AKT3: variants seen among roughly 807,000 people sequenced by gnomAD.
AKT3 encodes AKT serine/threonine kinase 3.
A neutral mutation model predicts 65.3 loss-of-function variants in AKT3; 15 were observed. That is an observed-to-expected ratio of 0.23 (90% CI 0.15 to 0.35). The LOEUF is 0.35. Ranked by LOEUF, AKT3 falls within the 10% of genes least tolerant of loss-of-function variation. AKT3 has a pLI of 1.00. For missense variants in AKT3, 243 were observed against 576.5 expected (o/e 0.42, Z 5.92); for synonymous variants, 206 against 183.8 (o/e 1.12, Z -0.98).
intron 2 of AKT3, among the ~76,000 whole-genome samples, chr1:243,833,611 T>C (rs916522670): frequency 6.6e-6 from 1 of 152,024 alleles, no homozygotes; most frequent in East Asian, 1.9e-4. Flanking sequence ...CAATGGCACA[T>C]GACTATATAA....
chr1:243,556,117 G>A (rs185961717), intron 10 of AKT3, among the ~76,000 whole-genome samples: 4 of 152,178 alleles, frequency 2.6e-5, no homozygotes, highest in African/African-American at 7.2e-5. Context: ...TTTCTAATAG[G>A]AGCCAGAAAC....
chr1:243,657,002 A>C (rs1681852558), intron 4 of AKT3, among the ~76,000 whole-genome samples: 1 of 152,226 alleles, frequency 6.6e-6, no homozygotes, highest in Admixed American at 6.5e-5. Flanking sequence ...ATAATACATA[A>C]AACTATCAGA....
At chr1:243,742,669 T>A (rs1688233922) in intron 2 of AKT3, among the ~76,000 whole-genome samples, 1 of 152,196 alleles carries the variant, frequency 6.6e-6, no homozygotes, top group Admixed American at 6.5e-5. Context: ...TAAACATTTC[T>A]TTTTGTGAAA....
intron 5 of AKT3, among the ~76,000 whole-genome samples, chr1:243,638,301 T>TTA (rs1182376974): frequency 6.6e-6 from 1 of 152,162 alleles, no homozygotes. Context: ...AGAGAGTACT[T>TTA]TATGCAATTC....
At chr1:243,806,919 T>C (rs1437080003) in intron 2 of AKT3, among the ~76,000 whole-genome samples, 1 of 152,090 alleles carries the variant, frequency 6.6e-6, no homozygotes, top group African/African-American at 2.4e-5. Flanking sequence ...CAAATATGGA[T>C]TACATATGGC....
At chr1:243,498,528 C>A (rs546600764), downstream of AKT3, among the ~76,000 whole-genome samples, 1 of 152,206 alleles carries the variant, frequency 6.6e-6, no homozygotes, top group African/African-American at 2.4e-5. Flanking sequence ...CTCTAACTAC[C>A]CTGCTGAGAC....
At chr1:243,564,186 A>G (rs1192552158) in intron 9 of AKT3, among the ~76,000 whole-genome samples, 1 of 152,186 alleles carries the variant, frequency 6.6e-6, no homozygotes, top group Non-Finnish European at 1.5e-5. Flanking sequence ...AATGTGATCT[A>G]AACAATCCCA....
intron 8 of AKT3, among the ~76,000 whole-genome samples, chr1:243,590,289 C>T (rs1676132655): frequency 6.6e-6 from 1 of 152,138 alleles, no homozygotes; most frequent in South Asian, 2.1e-4. Flanking sequence ...GACGTATTCA[C>T]TAATTCAATT....
chr1:243,831,503 A>C (rs1694505035), intron 2 of AKT3, among the ~76,000 whole-genome samples: 1 of 152,230 alleles, frequency 6.6e-6, no homozygotes, highest in South Asian at 2.1e-4. Context: ...ATAACCAAAA[A>C]CACAGAAAAT....
intron 2 of AKT3, among the ~76,000 whole-genome samples, chr1:243,828,588 C>G (rs986046953): frequency 2.0e-5 from 3 of 152,120 alleles, no homozygotes; most frequent in Non-Finnish European, 4.4e-5. Context: ...GGATGAAGAC[C>G]TTTATGATGA....
intron 2 of AKT3, among the ~76,000 whole-genome samples, chr1:243,713,046 T>C (rs1686258739): frequency 6.6e-6 from 1 of 152,220 alleles, no homozygotes; most frequent in South Asian, 2.1e-4. Flanking sequence ...TGGAATTACT[T>C]ACAAAATAAA....
chr1:243,772,368 C>G (rs1273431914), intron 2 of AKT3, among the ~76,000 whole-genome samples: 1 of 152,052 alleles, frequency 6.6e-6, no homozygotes, highest in African/African-American at 2.4e-5. Context: ...ATCAAAAAAA[C>G]AGGCAAAGGA....
chr1:243,684,747 C>T lies in AKT3; in HGVS notation c.172+10844G>A, dbSNP rs1360921792. Among the ~76,000 whole-genome samples, 5 of 152,092 alleles carry T rather than the reference C, an allele frequency of 3.3e-5. 1 individual carries two copies. In the South Asian group the frequency reaches 6.2e-4, roughly 19 times the overall value. On this transcript the variant is annotated intron_variant, in intron 3 of 13. Transcript: ENST00000673466. ...GGAATCGCCACACTGTCTTCCACAACGGTTGAACTAATTTACACTCCCACC... is the reference window on the plus strand; with the variant it reads ...GGAATCGCCACACTGTCTTCCACAATGGTTGAACTAATTTACACTCCCACC...
intron 6 of AKT3, among the ~76,000 whole-genome samples, chr1:243,619,789 G>A (rs1678601370): frequency 1.0e-5 from 1 of 98,402 alleles, no homozygotes; most frequent in African/African-American, 2.6e-5. Flanking sequence ...TGTGAATAGT[G>A]CTGCAATAAA....
At chr1:243,491,615 C>T (rs760472702) in intron 13 of AKT3, among the ~76,000 whole-genome samples, 3 of 152,318 alleles carry the variant, frequency 2.0e-5, no homozygotes, top group Non-Finnish European at 4.4e-5. Context: ...TAGGGGCTGT[C>T]AGTGGGCTTC....
At chr1:243,637,080 C>A (rs545962313) in intron 6 of AKT3, among the ~76,000 whole-genome samples, 2 of 152,196 alleles carry the variant, frequency 1.3e-5, no homozygotes, top group East Asian at 3.9e-4. Context: ...TGAGTGAGAA[C>A]TGACATCATT....
chr1:243,740,274 G>A (rs1187169598), intron 2 of AKT3, among the ~76,000 whole-genome samples: 3 of 152,216 alleles, frequency 2.0e-5, no homozygotes, highest in Non-Finnish European at 4.4e-5. Flanking sequence ...CAGTATACCT[G>A]AGTAACAGAG....
chr1:243,809,189 C>T (rs1692956375), intron 2 of AKT3, among the ~76,000 whole-genome samples: 2 of 152,098 alleles, frequency 1.3e-5, no homozygotes, highest in Non-Finnish European at 2.9e-5. Context: ...CAATATTAAC[C>T]TTAAATGTAA....
intron 8 of AKT3, among the ~76,000 whole-genome samples, chr1:243,576,126 C>T (rs1251518845): frequency 6.6e-6 from 1 of 151,922 alleles, no homozygotes; most frequent in African/African-American, 2.4e-5. Flanking sequence ...CAGAACTAAA[C>T]ACAAAAACCA....
Sources: allele counts gnomAD v4.1 joint callset (sites outside exome capture counted in the v4.1 genomes callset), GRCh38; gene constraint gnomAD v4.1.1; transcripts MANE v1.5; gene names NCBI Gene and HGNC (gene_info 2026-07-23, HGNC 2026-07-21).